Variants in ATXN1 observed in about 807,000 individuals in gnomAD.
The protein encoded by ATXN1 is ataxin 1.
Under a neutral mutation model 56.4 loss-of-function variants are expected in ATXN1, and 8 were observed. That is an observed-to-expected ratio of 0.14 (90% CI 0.08 to 0.26). The LOEUF (loss-of-function observed/expected upper bound fraction) is 0.26. Ranked by LOEUF, ATXN1 falls within the 10% of genes least tolerant of loss-of-function variation. The probability of loss-of-function intolerance (pLI) is 1.00; values close to 1 mark genes in which losing one functional copy is unlikely to be tolerated. For synonymous variants in ATXN1, 514 were observed against 494.6 expected, an observed-to-expected ratio of 1.04 and a Z score of -0.52; for missense variants, 987 against 1,106.5, an observed-to-expected ratio of 0.89 and a Z score of 1.53.
intron 5 of ATXN1, among the ~76,000 whole-genome samples, chr6:16,486,475 A>G (rs1434426442): frequency 6.6e-6 from 1 of 152,214 alleles, no homozygotes; most frequent in Non-Finnish European, 1.5e-5. Context: ...AAGATCAAGA[A>G]GATCATTCTT....
chr6:16,518,334 G>A (rs1480827545), intron 5 of ATXN1, among the ~76,000 whole-genome samples: 3 of 152,234 alleles, frequency 2.0e-5, no homozygotes, highest in African/African-American at 7.2e-5. Context: ...TAAAGCCAAC[G>A]TGGCCTATGC....
chr6:16,742,439 T>C (rs961745974), intron 2 of ATXN1, among the ~76,000 whole-genome samples: 3 of 152,132 alleles, frequency 2.0e-5, no homozygotes, highest in Non-Finnish European at 4.4e-5. Flanking sequence ...CTGCCTCCCC[T>C]TGGAACCTGC....
intron 7 of ATXN1, among the ~76,000 whole-genome samples, chr6:16,316,382 T>C (rs1760508880): frequency 6.6e-6 from 1 of 152,188 alleles, no homozygotes; most frequent in Non-Finnish European, 1.5e-5. Flanking sequence ...TTTTGCCTCT[T>C]TCCCCAAACT....
At chr6:16,697,402 G>A (rs1039482554) in intron 2 of ATXN1, among the ~76,000 whole-genome samples, 1 of 151,832 alleles carries the variant, frequency 6.6e-6, no homozygotes, top group African/African-American at 2.4e-5. Flanking sequence ...TTAAGGAGAC[G>A]CCATTTAGAA....
In ATXN1 at chr6:16,542,164, G is replaced by T. The variant is rs554785274; in HGVS notation, c.-360-19476C>A. Among the ~76,000 whole-genome samples the T allele has an allele frequency of 5.8e-4, 88 of 152,064 alleles. 1 individual carries two copies. Among genetic ancestry groups the T allele is most frequent in the Non-Finnish European group, 1.1e-3 (73 of 68,022 alleles). On this transcript the variant is annotated intron_variant, in intron 4 of 7. Transcript: ENST00000436367. Reference sequence around the variant, plus strand: ...AGATAACCTTTTCCCCACTGCCTGAGTTGCTCTTGAGTGCCTAGTGGGTGA... The same window carrying T: ...AGATAACCTTTTCCCCACTGCCTGATTTGCTCTTGAGTGCCTAGTGGGTGA...
chr6:16,395,621 A>C (rs547037331), intron 6 of ATXN1, among the ~76,000 whole-genome samples: 1 of 152,244 alleles, frequency 6.6e-6, no homozygotes, highest in Non-Finnish European at 1.5e-5. Context: ...CGCACAGTAC[A>C]TAATAGTTGA....
chr6:16,487,032 G>A (rs950808699), intron 5 of ATXN1, among the ~76,000 whole-genome samples: 3 of 152,136 alleles, frequency 2.0e-5, no homozygotes, highest in Admixed American at 1.3e-4. Flanking sequence ...TCCACACCTG[G>A]ATTTCTTGAT....
At chr6:16,501,389 G>T (rs1250010359) in intron 5 of ATXN1, among the ~76,000 whole-genome samples, 1 of 152,166 alleles carries the variant, frequency 6.6e-6, no homozygotes, top group Non-Finnish European at 1.5e-5. Context: ...CATGTGCCAT[G>T]GTGGTTTGCT....
At chr6:16,752,613 A>G (rs1484488766) in intron 2 of ATXN1, among the ~76,000 whole-genome samples, 1 of 152,160 alleles carries the variant, frequency 6.6e-6, no homozygotes. Context: ...CCCAAGTTCT[A>G]GCAAACCTCT....
At chr6:16,732,384 A>T (rs1341591074) in intron 2 of ATXN1, among the ~76,000 whole-genome samples, 4 of 152,180 alleles carry the variant, frequency 2.6e-5, no homozygotes, top group African/African-American at 7.2e-5. Flanking sequence ...CAGCCTGGCC[A>T]ACATGGTGAA....
chr6:16,346,454 G>A (rs748075212), intron 6 of ATXN1, among the ~76,000 whole-genome samples: 1 of 152,174 alleles, frequency 6.6e-6, no homozygotes, highest in Non-Finnish European at 1.5e-5. Flanking sequence ...TGGAAGAGAG[G>A]TTATAGTGAG....
intron 2 of ATXN1, among the ~76,000 whole-genome samples, chr6:16,696,420 A>T (rs1274819829): frequency 1.3e-5 from 2 of 152,216 alleles, no homozygotes; most frequent in Non-Finnish European, 2.9e-5. Flanking sequence ...AAGTTAAATT[A>T]TATTCACTAT....
chr6:16,713,101 G>A (rs960774686), intron 2 of ATXN1, among the ~76,000 whole-genome samples: 7 of 152,170 alleles, frequency 4.6e-5, no homozygotes, highest in African/African-American at 1.7e-4. Context: ...TGAAAGAATC[G>A]CTAGGAGTAT....
chr6:16,421,518 A>C (rs1016223), intron 6 of ATXN1, among the ~76,000 whole-genome samples: 24,889 of 152,020 alleles, frequency 0.16, 2,256 homozygotes, highest in African/African-American at 0.23. Flanking sequence ...GTTCCTCTGA[A>C]TGGGCATTTT....
Position 16,308,322 on chromosome 6 carries a change from TCACACACACA to T in ATXN1, c.1918-1473_1918-1464del, listed in dbSNP as rs35291830. ...GCCTGGGCGACAGAGTGAAACTCCG[TCACACACACA>T]CACACACACACACACACACACACAC... On this transcript the variant is annotated intron_variant, in intron 7 of 7. Coordinates refer to ENST00000436367, the MANE Select transcript of ATXN1 (RefSeq NM_001128164.2). 3.4e-3 allele frequency among the ~76,000 whole-genome samples: 449 copies of T among 132,702 alleles called. 6 individuals are homozygous for T. Among genetic ancestry groups the T allele is most frequent in the African/African-American group, 7.7e-3 (277 of 35,862 alleles). 87.1% of individuals were successfully genotyped at this position (132,702 alleles called of 152,430 possible). A position where few individuals can be genotyped will look rare whatever the true frequency, so the allele number is the denominator to read the frequency against.
In ATXN1 at chr6:16,306,009, G is replaced by A. The variant is rs1760237422; in HGVS notation, c.*320C>T. On this transcript the variant is annotated 3_prime_UTR_variant, in exon 8 of 8. Transcript: ENST00000436367. The surrounding 1 kb of genome is among the most constrained non-coding windows in gnomAD (Gnocchi z 5.2). Reference sequence around the variant, plus strand: ...GACTTTTCTCCTGACACTAGCGGGAGTCAGCGCCCCCGGCTGCTTCTGTGC... The same window carrying A: ...GACTTTTCTCCTGACACTAGCGGGAATCAGCGCCCCCGGCTGCTTCTGTGC... 1 of 243,624 alleles carries A rather than the reference G, an allele frequency of 4.1e-6. No homozygotes were observed. The highest frequency in any genetic ancestry group is 5.2e-5 in the Admixed American group (1 of 19,310). 15.1% of individuals were successfully genotyped at this position (243,624 alleles called of 1,614,324 possible). A position where few individuals can be genotyped will look rare whatever the true frequency, so the allele number is the denominator to read the frequency against.
intron 6 of ATXN1, among the ~76,000 whole-genome samples, chr6:16,397,518 C>A (rs770832398): frequency 2.0e-5 from 3 of 152,152 alleles, no homozygotes; most frequent in Non-Finnish European, 2.9e-5. Context: ...CCTGCCTCAG[C>A]CTCTCAAAGT....
intron 6 of ATXN1, among the ~76,000 whole-genome samples, chr6:16,404,552 G>A (rs976160974): frequency 6.6e-6 from 1 of 152,146 alleles, no homozygotes; most frequent in African/African-American, 2.4e-5. Context: ...ACACCCTTGG[G>A]GTTCCTGTCA....
At chr6:16,637,435 T>G (rs946231657) in intron 3 of ATXN1, among the ~76,000 whole-genome samples, 2 of 151,938 alleles carry the variant, frequency 1.3e-5, no homozygotes, top group African/African-American at 4.8e-5. Flanking sequence ...ACATGATACA[T>G]GTATACATAT....
Sources: allele counts gnomAD v4.1 joint callset (sites outside exome capture counted in the v4.1 genomes callset), GRCh38; gene constraint gnomAD v4.1.1; non-coding constraint Gnocchi (gnomAD v3.1); transcripts MANE v1.5; gene names NCBI Gene and HGNC (gene_info 2026-07-23, HGNC 2026-07-21).